RAD9B: variants seen among roughly 807,000 people sequenced by gnomAD.
RAD9B encodes the protein RAD9 checkpoint clamp component B.
Under a neutral mutation model 48.3 loss-of-function variants are expected in RAD9B, and 41 were observed. The ratio of observed to expected loss-of-function variants is 0.85; its 90% CI spans 0.66 to 1.10. The LOEUF (loss-of-function observed/expected upper bound fraction) is 1.10, where lower values mean the gene tolerates loss of function less well. RAD9B is among the 50% of genes least tolerant of loss of function. The pLI is 0.00. For synonymous variants in RAD9B, 160 were observed against 157.9 expected, an observed-to-expected ratio of 1.01 and a Z score of -0.10; for missense variants, 444 against 485.1, an observed-to-expected ratio of 0.92 and a Z score of 0.80.
At chr12:110,521,799 A>AC (rs913319642) in intron 9 of RAD9B, among the ~76,000 whole-genome samples, 28 of 150,938 alleles carry the variant, frequency 1.9e-4, no homozygotes, top group African/African-American at 5.4e-4. Context: ...CTCGTGATCC[A>AC]CCCCCCTTGA....
In RAD9B at chr12:110,507,061, A is replaced by G. The variant is rs570305549; in HGVS notation, c.388+368A>G. On this transcript the variant is annotated intron_variant, in intron 4 of 10. Coordinates refer to ENST00000409300, the MANE Select transcript of RAD9B (RefSeq NM_001286535.2). Reference sequence around the variant, plus strand: ...CACCGTGTTGGCCAGGCTGATCTCGAACTCCTGACCTCAGGTGATCTGCCC... The same window carrying G: ...CACCGTGTTGGCCAGGCTGATCTCGGACTCCTGACCTCAGGTGATCTGCCC... Among the ~76,000 whole-genome samples the G allele has an allele frequency of 2.0e-5, 3 of 152,072 alleles. No homozygotes were observed. In the South Asian group the frequency reaches 6.2e-4, roughly 32 times the overall value.
chr12:110,509,983 A>G (rs2063413192), intron 4 of RAD9B, among the ~76,000 whole-genome samples: 1 of 152,150 alleles, frequency 6.6e-6, no homozygotes, highest in South Asian at 2.1e-4. Flanking sequence ...AATACGTAAA[A>G]TATGTCATCT....
chr12:110,524,247 G>T (rs890512565), intron 10 of RAD9B, among the ~76,000 whole-genome samples: 2 of 152,182 alleles, frequency 1.3e-5, no homozygotes. Context: ...GATGCAACAG[G>T]CACATGGTCA....
At chr12:110,526,874 AC>A (rs2063956940) in intron 10 of RAD9B, among the ~76,000 whole-genome samples, 1 of 146,246 alleles carries the variant, frequency 6.8e-6, no homozygotes, top group Non-Finnish European at 1.5e-5. Flanking sequence ...ATGCCACCGC[AC>A]TCCAGCCTAG....
intron 5 of RAD9B, among the ~76,000 whole-genome samples, chr12:110,514,462 C>T (rs558535429): frequency 6.6e-6 from 1 of 152,188 alleles, no homozygotes; most frequent in East Asian, 1.9e-4. Context: ...GCAAATCAAA[C>T]AATTTTCAAT....
chr12:110,504,217 C>G (rs1273853217), intron 2 of RAD9B, among the ~76,000 whole-genome samples: 1 of 151,432 alleles, frequency 6.6e-6, no homozygotes, highest in Non-Finnish European at 1.5e-5. Flanking sequence ...GCCTGTAATC[C>G]CAGCACTTTG....
intron 5 of RAD9B, 92 bp downstream of exon 5, chr12:110,512,970 A>ATTT: frequency 2.3e-5 from 13 of 564,004 alleles, no homozygotes; most frequent in African/African-American, 4.3e-5. Flanking sequence ...CAGTCGGCAC[A>ATTT]TTTTTTTTTT....
At chr12:110,527,564 C>T (rs1196585307) in intron 10 of RAD9B, among the ~76,000 whole-genome samples, 2 of 152,178 alleles carry the variant, frequency 1.3e-5, no homozygotes, top group African/African-American at 4.8e-5. Flanking sequence ...CATTTGTTGT[C>T]TTGTGGTACT....
Position 110,518,686 on chromosome 12 carries a change from T to C in RAD9B, c.606T>C (p.Asn202=). 7 of 1,597,012 alleles carry C rather than the reference T, an allele frequency of 4.4e-6. No individual in the cohort carries two copies. The highest frequency in any genetic ancestry group is 6.0e-6 in the Non-Finnish European group (7 of 1,167,628). The change falls in exon 7 of 11, where the codon AAT becomes AAC. Residue 202 remains asparagine, a synonymous_variant. Transcript: ENST00000409300. ...SSNEESMDLS[N]AVHSEMFVGS... ...CATAATATTAAACAGATTTGAGCAA[T>C]GCTGTACACAGTGAGATGTTTGTTG...
In RAD9B at chr12:110,505,632, G is replaced by A. The variant is rs1164384936; in HGVS notation, c.133G>A (p.Val45Met). ...PSKKGLALRC[V>M]NSSRSAYGCV... Reference sequence around the variant, plus strand: ...ATTTTTCTAGCTTGCTCTAAGATGTGTGAATTCTTCTCGGTCAGCATATGG... The same window carrying A: ...ATTTTTCTAGCTTGCTCTAAGATGTATGAATTCTTCTCGGTCAGCATATGG... Residue 45 changes from valine to methionine, a missense_variant, in exon 3 of 11, where the codon GTG becomes ATG. By Grantham distance (21) the Val-to-Met change is conservative. Coordinates refer to ENST00000409300, the MANE Select transcript of RAD9B (RefSeq NM_001286535.2). 12 of 1,557,474 alleles carry A rather than the reference G, an allele frequency of 7.7e-6. No homozygotes were observed. The highest frequency in any genetic ancestry group is 9.6e-6 in the Non-Finnish European group (11 of 1,149,856).
At chr12:110,511,950 G>A (rs2063474101) in intron 4 of RAD9B, among the ~76,000 whole-genome samples, 1 of 151,916 alleles carries the variant, frequency 6.6e-6, no homozygotes, top group South Asian at 2.1e-4. Flanking sequence ...GGGTTCAAGT[G>A]ATTCTCCTGC....
chr12:110,502,500 A>G (rs1412437818), intron 1 of RAD9B, 117 bp downstream of exon 1: 1 of 1,188,878 alleles, frequency 8.4e-7, no homozygotes, highest in East Asian at 2.6e-5. Context: ...CTGAGGACGC[A>G]CGCCCTGGCC....
chr12:110,533,025 G>C lies in RAD9B; in HGVS notation c.*2372G>C, dbSNP rs1373868417. On this transcript the variant is annotated 3_prime_UTR_variant, in exon 11 of 11. Coordinates refer to ENST00000409300, the MANE Select transcript of RAD9B (RefSeq NM_001286535.2). ...GGTGCAAAGCCTCAGCTGGGAAAAAGTTCTATAATTTACATTTAATTGTCC... is the reference window on the plus strand; with the variant it reads ...GGTGCAAAGCCTCAGCTGGGAAAAACTTCTATAATTTACATTTAATTGTCC... Among the ~76,000 whole-genome samples, 1 of 152,176 alleles carries C rather than the reference G, an allele frequency of 6.6e-6. No homozygotes were observed. Among genetic ancestry groups the C allele is most frequent in the Non-Finnish European group, 1.5e-5 (1 of 68,040 alleles).
intron 2 of RAD9B, among the ~76,000 whole-genome samples, chr12:110,504,829 T>C (rs921515820): frequency 6.6e-6 from 1 of 152,068 alleles, no homozygotes; most frequent in Non-Finnish European, 1.5e-5. Flanking sequence ...AGACACTACC[T>C]GTCTCTACAA....
intron 10 of RAD9B, among the ~76,000 whole-genome samples, chr12:110,527,731 A>G (rs1308022278): frequency 6.6e-6 from 1 of 152,218 alleles, no homozygotes; most frequent in African/African-American, 2.4e-5. Context: ...CTAAATATAT[A>G]ATTTTTGAAA....
chr12:110,525,284 T>G lies in RAD9B; in HGVS notation c.1125+2873T>G, dbSNP rs1444770213. Among the ~76,000 whole-genome samples the G allele has an allele frequency of 3.3e-5, 5 of 151,526 alleles. No homozygotes were observed. In the South Asian group the frequency reaches 8.4e-4, roughly 25 times the overall value. ...GGGGTTACAGGTGTGAGCCACTGTG[T>G]CTGGCCAGTTTTTGTATTTTTAGTA... On this transcript the variant is annotated intron_variant, in intron 10 of 10. Transcript: ENST00000409300.
At chr12:110,525,740 G>C (rs1309166988) in intron 10 of RAD9B, among the ~76,000 whole-genome samples, 2 of 152,132 alleles carry the variant, frequency 1.3e-5, no homozygotes, top group Admixed American at 1.3e-4. Context: ...GCCTAGGCTG[G>C]AGTGCAGTGG....
At chr12:110,506,833 A>T in intron 4 of RAD9B, 140 bp downstream of exon 4, 1 of 504,334 alleles carries the variant, frequency 2.0e-6, no homozygotes, top group Non-Finnish European at 3.5e-6. Flanking sequence ...GGGCAGTTTG[A>T]AGTATTATCC....
chr12:110,512,819 G>T lies in RAD9B; in HGVS notation c.429G>T (p.Gln143His), dbSNP rs1328347018. The T allele has an allele frequency of 6.6e-7, 1 of 1,524,424 alleles. No individual in the cohort carries two copies. Among genetic ancestry groups the T allele is most frequent in the African/African-American group, 1.4e-5 (1 of 73,120 alleles). 94.4% of individuals were successfully genotyped at this position (1,524,424 alleles called of 1,614,324 possible). A position where few individuals can be genotyped will look rare whatever the true frequency, so the allele number is the denominator to read the frequency against. The change falls in exon 5 of 11, where the codon CAG (glutamine) becomes CAT (histidine). Residue 143 changes from glutamine to histidine, a missense_variant. By Grantham distance (24) the Gln-to-His change is conservative. Transcript: ENST00000409300. ...RTHNICFQESQPLQVIFDKNV... is the reference protein window; with the variant it reads ...RTHNICFQESHPLQVIFDKNV... ...ATAATATATGTTTTCAAGAAAGTCA[G>T]CCTTTGCAAGTTATTTTTGACAAGA...
Sources: gnomAD v4.1 joint callset for allele counts (sites outside exome capture counted in the v4.1 genomes callset) on GRCh38, gnomAD v4.1.1 for gene constraint, MANE v1.5 for transcripts, NCBI Gene and HGNC (gene_info 2026-07-23, HGNC 2026-07-21) for gene names.